The following KAZN variants were observed in gnomAD, a reference collection of about 807,000 sequenced individuals.
The protein encoded by KAZN is kazrin, periplakin interacting protein.
A neutral mutation model predicts 87.4 loss-of-function variants in KAZN; 40 were observed. The observed-to-expected ratio is 0.46, with a 90% CI of 0.36 to 0.60. The LOEUF (loss-of-function observed/expected upper bound fraction) is 0.60, where lower values mean the gene tolerates loss of function less well. Ranked by LOEUF, KAZN falls within the 20% of genes least tolerant of loss-of-function variation. KAZN has a pLI of 0.00. For synonymous variants in KAZN, 466 were observed against 458.3 expected (o/e 1.02, Z -0.22); for missense variants, 898 against 1,073.9 (o/e 0.84, Z 2.29).
intron 1 of KAZN, among the ~76,000 whole-genome samples, chr1:14,601,398 G>A (rs568472744): frequency 1.3e-5 from 2 of 151,978 alleles, no homozygotes; most frequent in African/African-American, 2.4e-5. Flanking sequence ...TGTAGCAACA[G>A]TACTTGATAC....
chr1:14,294,344 A>G (rs1304237697), intron 2 of KAZN, among the ~76,000 whole-genome samples: 7 of 152,106 alleles, frequency 4.6e-5, no homozygotes, highest in Admixed American at 3.9e-4. Flanking sequence ...AGGGTTCTCC[A>G]TCCAAGGAGT....
intron 1 of KAZN, among the ~76,000 whole-genome samples, chr1:14,936,160 G>T (rs1445884290): frequency 1.3e-5 from 2 of 152,222 alleles, no homozygotes; most frequent in African/African-American, 4.8e-5. Flanking sequence ...CCTGCTGTGG[G>T]ACCTTGTACA....
chr1:14,844,307 A>G (rs1200765178), intron 1 of KAZN, among the ~76,000 whole-genome samples: 1 of 152,192 alleles, frequency 6.6e-6, no homozygotes. Flanking sequence ...TCACCATAAA[A>G]TGGAGATAAT....
At chr1:14,494,751 T>A (rs1238800097) in intron 2 of KAZN, among the ~76,000 whole-genome samples, 1 of 152,252 alleles carries the variant, frequency 6.6e-6, no homozygotes, top group Non-Finnish European at 1.5e-5. Context: ...GGAGTAAATA[T>A]GTCCAGAGTG....
intron 1 of KAZN, among the ~76,000 whole-genome samples, chr1:14,790,863 T>G (rs1234921900): frequency 6.6e-6 from 1 of 152,190 alleles, no homozygotes; most frequent in African/African-American, 2.4e-5. Context: ...AACTAACTTT[T>G]GTATTTTTAA....
intron 1 of KAZN, among the ~76,000 whole-genome samples, chr1:14,928,496 T>C (rs140282183): frequency 2.6e-5 from 4 of 152,086 alleles, no homozygotes; most frequent in Non-Finnish European, 5.9e-5. Context: ...GTTTCTGGTC[T>C]CTTTTTCCTT....
intron 1 of KAZN, among the ~76,000 whole-genome samples, chr1:14,779,739 T>G (rs1011365549): frequency 1.3e-5 from 2 of 152,204 alleles, no homozygotes; most frequent in African/African-American, 4.8e-5. Context: ...TAAGGCTCAG[T>G]GTATTCTAAA....
chr1:14,986,628 C>G (rs949902458), intron 2 of KAZN, among the ~76,000 whole-genome samples: 16 of 152,030 alleles, frequency 1.1e-4, no homozygotes, highest in African/African-American at 3.9e-4. Context: ...CATGACGCCC[C>G]CAACCCTCCT....
At position 13,900,946 on chromosome 1, in the gene KAZN, G is replaced by A. The variant is rs914985665; in HGVS notation, c.91+7190G>A. ...GCAATTGCTGTATTTTGTTTAATGA[G>A]AGGAAGTTTAATAACACTAGGATTA... On this transcript the variant is annotated intron_variant, in intron 1 of 16. Transcript: ENST00000636203. 4.0e-5 allele frequency among the ~76,000 whole-genome samples: 6 copies of A among 151,770 alleles called. No individual in the cohort carries two copies. The East Asian group carries it at 1.2e-3, about 29-fold the overall frequency.
rs150599621 is a variant in KAZN at position 13,996,271 on chromosome 1, C to T, written c.91+102515C>T. On this transcript the variant is annotated intron_variant, in intron 1 of 16. Coordinates refer to the KAZN transcript ENST00000636203. ...GCCTAGAGTCCCAACCCCCGAGCCG[C>T]GCAGATTCTCAACAGCCTCTCAGCT... 3.5e-3 allele frequency among the ~76,000 whole-genome samples: 538 copies of T among 152,260 alleles called. 3 individuals are homozygous for T. The highest frequency in any genetic ancestry group is 0.012 in the African/African-American group (507 of 41,556).
chr1:14,490,104 C>T (rs915636237), intron 2 of KAZN, among the ~76,000 whole-genome samples: 1 of 152,182 alleles, frequency 6.6e-6, no homozygotes, highest in East Asian at 1.9e-4. Flanking sequence ...TCTTTTTGTG[C>T]TGGACAGTTT....
At chr1:14,838,944 G>A (rs75553939) in intron 1 of KAZN, among the ~76,000 whole-genome samples, 174 of 152,222 alleles carry the variant, frequency 1.1e-3, no homozygotes, top group Non-Finnish European at 1.9e-3. Flanking sequence ...CCTACTCCAG[G>A]TTTGCACTTT....
At chr1:14,837,418 C>T (rs894397201) in intron 1 of KAZN, among the ~76,000 whole-genome samples, 1 of 152,114 alleles carries the variant, frequency 6.6e-6, no homozygotes. Flanking sequence ...AGGCTGGTCT[C>T]GAACTCCCGA....
At chr1:14,570,927 TG>T (rs1465330987) in intron 2 of KAZN, among the ~76,000 whole-genome samples, 1 of 152,340 alleles carries the variant, frequency 6.6e-6, no homozygotes, top group East Asian at 1.9e-4. Flanking sequence ...TACTTACTCC[TG>T]ACCTCTGAAT....
intron 2 of KAZN, among the ~76,000 whole-genome samples, chr1:14,524,178 C>A (rs756700661): frequency 2.8e-4 from 42 of 152,032 alleles, no homozygotes; most frequent in Non-Finnish European, 5.6e-4. Flanking sequence ...TGCACCACCA[C>A]GCCTGGGTAA....
At chr1:14,170,224 C>A (rs1339372) in intron 1 of KAZN, among the ~76,000 whole-genome samples, 18,703 of 152,156 alleles carry the variant, frequency 0.12, 1,272 homozygotes, top group East Asian at 0.33. Flanking sequence ...TGGTTTTATT[C>A]ACAAATGTAA....
intron 1 of KAZN, among the ~76,000 whole-genome samples, chr1:14,138,921 T>C (rs1049410399): frequency 1.3e-5 from 2 of 152,134 alleles, no homozygotes; most frequent in Non-Finnish European, 2.9e-5. Context: ...TCAGGGAGAT[T>C]TAGAATCATA....
chr1:14,306,139 T>C (rs573674464), intron 2 of KAZN, among the ~76,000 whole-genome samples: 2 of 152,190 alleles, frequency 1.3e-5, no homozygotes, highest in Non-Finnish European at 1.5e-5. Context: ...TGGAATGTGT[T>C]GTCGCATTTT....
chr1:13,934,416 CT>C (rs1199429741), intron 1 of KAZN, among the ~76,000 whole-genome samples: 1 of 152,178 alleles, frequency 6.6e-6, no homozygotes, highest in Admixed American at 6.5e-5. Flanking sequence ...AAATCCTTAC[CT>C]GTAAATTTAA....
Sources: allele counts gnomAD v4.1 joint callset (sites outside exome capture counted in the v4.1 genomes callset), GRCh38; gene constraint gnomAD v4.1.1; transcripts MANE v1.5; gene names NCBI Gene and HGNC (gene_info 2026-07-23, HGNC 2026-07-21).